Variants in MTA3 observed in about 807,000 individuals in gnomAD.
The protein encoded by MTA3 is metastasis associated 1 family member 3.
MTA3 carries 34 observed loss-of-function variants against 83.5 expected under a neutral mutation model. The ratio of observed to expected loss-of-function variants is 0.41; its 90% CI spans 0.31 to 0.54. The LOEUF (loss-of-function observed/expected upper bound fraction) is 0.54, where lower values mean the gene tolerates loss of function less well. MTA3 is among the 20% of genes least tolerant of loss of function. The probability of loss-of-function intolerance (pLI) is 0.33; values close to 1 mark genes in which losing one functional copy is unlikely to be tolerated. For synonymous variants in MTA3, 303 were observed against 252.7 expected, an observed-to-expected ratio of 1.20 and a Z score of -1.89; for missense variants, 761 against 726.4, an observed-to-expected ratio of 1.05 and a Z score of -0.55.
At chr2:42,729,627 C>A (rs919025634) in intron 16 of MTA3, among the ~76,000 whole-genome samples, 1 of 152,102 alleles carries the variant, frequency 6.6e-6, no homozygotes, top group Non-Finnish European at 1.5e-5. Flanking sequence ...TTTCTGGGTT[C>A]TCCATTCTGT....
At chr2:42,550,101 G>T (rs1205214775) in intron 2 of MTA3, among the ~76,000 whole-genome samples, 3 of 152,024 alleles carry the variant, frequency 2.0e-5, no homozygotes, top group Admixed American at 1.3e-4. Flanking sequence ...AAAGGTGAAA[G>T]TTCTCAGCTT....
intron 3 of MTA3, among the ~76,000 whole-genome samples, chr2:42,606,699 A>C (rs1048006925): frequency 2.0e-5 from 3 of 151,604 alleles, no homozygotes; most frequent in Non-Finnish European, 4.4e-5. Context: ...AGAGGCTGCA[A>C]TCTCGGCACT....
chr2:42,618,153 G>C (rs541613744), intron 4 of MTA3, among the ~76,000 whole-genome samples: 1 of 151,854 alleles, frequency 6.6e-6, no homozygotes, highest in Admixed American at 6.6e-5. Context: ...TCACTATGTT[G>C]CCCAGGCTGG....
Position 42,659,652 on chromosome 2 carries a change from CTCT to C in MTA3, c.603-106_603-104del, listed in dbSNP as rs1345954240. 6 of 684,050 alleles carry C rather than the reference CTCT, an allele frequency of 8.8e-6. No individual in the cohort carries two copies. In the African/African-American group the frequency reaches 9.5e-5, roughly 11 times the overall value. 42.4% of individuals were successfully genotyped at this position (684,050 alleles called of 1,614,324 possible). ...TTCTCATTCAGAAACTTGTTTTTGCCTCTTCTTTTACAGTTTTTTATTTACTAT... is the reference window on the plus strand; with the variant it reads ...TTCTCATTCAGAAACTTGTTTTTGCCTCTTTTACAGTTTTTTATTTACTAT... On this transcript the variant is annotated intron_variant, in intron 7 of 16. Coordinates refer to ENST00000405094, the MANE Select transcript of MTA3 (RefSeq NM_001330442.2).
At chr2:42,596,556 T>C (rs1019631126) in intron 3 of MTA3, among the ~76,000 whole-genome samples, 2 of 152,238 alleles carry the variant, frequency 1.3e-5, no homozygotes, top group Non-Finnish European at 2.9e-5. Flanking sequence ...TTATGTTTTA[T>C]GATATACATT....
intron 2 of MTA3, among the ~76,000 whole-genome samples, chr2:42,544,390 G>A (rs530811137): frequency 6.6e-6 from 1 of 151,210 alleles, no homozygotes; most frequent in East Asian, 1.9e-4. Context: ...AGGTTGTGGT[G>A]AGCCAAGATT....
At chr2:42,607,924 C>T (rs1438443754) in intron 3 of MTA3, among the ~76,000 whole-genome samples, 1 of 152,142 alleles carries the variant, frequency 6.6e-6, no homozygotes, top group Non-Finnish European at 1.5e-5. Flanking sequence ...GCACTCTAGC[C>T]TGGGTGACAG....
At chr2:42,752,194 T>C (rs1669924635) in intron 16 of MTA3, 1 of 471,326 alleles carries the variant, frequency 2.1e-6, no homozygotes, top group Non-Finnish European at 4.4e-6. Context: ...TGAGCTCATA[T>C]CAAATACCAA....
chr2:42,721,271 T>C (rs1458309539), intron 15 of MTA3, among the ~76,000 whole-genome samples: 2 of 151,450 alleles, frequency 1.3e-5, no homozygotes, highest in Admixed American at 6.6e-5. Context: ...TGTAAAATAA[T>C]TACAGGTAAT....
intron 8 of MTA3, among the ~76,000 whole-genome samples, chr2:42,679,428 T>C (rs1691671092): frequency 6.6e-6 from 1 of 152,146 alleles, no homozygotes; most frequent in African/African-American, 2.4e-5. Context: ...GAAAGGCCAA[T>C]GTGCAACTAG....
chr2:42,682,891 T>G (rs1216542787), intron 9 of MTA3, among the ~76,000 whole-genome samples: 1 of 152,046 alleles, frequency 6.6e-6, no homozygotes, highest in East Asian at 1.9e-4. Context: ...GCCAATGTGG[T>G]GAAACCCCAT....
At chr2:42,718,965 T>C (rs985926539) in intron 14 of MTA3, 23 bp from the exon 15 acceptor site, 15 of 1,523,820 alleles carry the variant, frequency 9.8e-6, no homozygotes, top group Non-Finnish European at 1.3e-5. Flanking sequence ...ATTGGTTATC[T>C]CCATGTTTCT....
chr2:42,509,888 G>C (rs1199234794), intron 2 of MTA3, among the ~76,000 whole-genome samples: 1 of 152,164 alleles, frequency 6.6e-6, no homozygotes, highest in Non-Finnish European at 1.5e-5. Flanking sequence ...ATTATATAGT[G>C]AGGCTGGAAT....
At chr2:42,677,685 C>G (rs1045321508) in intron 8 of MTA3, among the ~76,000 whole-genome samples, 3 of 152,238 alleles carry the variant, frequency 2.0e-5, no homozygotes, top group East Asian at 3.9e-4. Flanking sequence ...CAACCTCTTG[C>G]TTTTTGCCTG....
At chr2:42,530,700 G>A (rs540799203) in intron 2 of MTA3, among the ~76,000 whole-genome samples, 6 of 151,870 alleles carry the variant, frequency 4.0e-5, no homozygotes, top group African/African-American at 1.2e-4. Flanking sequence ...CAGGAGAATC[G>A]CTTGAACCTG....
At chr2:42,541,278 G>A (rs910155240) in intron 2 of MTA3, among the ~76,000 whole-genome samples, 12 of 152,116 alleles carry the variant, frequency 7.9e-5, no homozygotes, top group African/African-American at 2.4e-4. Context: ...TGATCCACCC[G>A]CCTCGGCCTC....
intron 6 of MTA3, among the ~76,000 whole-genome samples, chr2:42,651,922 C>T (rs561834021): frequency 2.7e-4 from 41 of 151,812 alleles, no homozygotes; most frequent in African/African-American, 8.9e-4. Context: ...GGTGAAACCC[C>T]GTCTCAACTA....
intron 8 of MTA3, among the ~76,000 whole-genome samples, chr2:42,673,796 C>G (rs1691068849): frequency 6.6e-6 from 1 of 152,122 alleles, no homozygotes; most frequent in Admixed American, 6.6e-5. Context: ...GCAGGTTGCT[C>G]CAGGAAGAGT....
At chr2:42,567,830 G>A (rs1329411720), upstream of MTA3, among the ~76,000 whole-genome samples, 4 of 152,070 alleles carry the variant, frequency 2.6e-5, no homozygotes, top group East Asian at 7.7e-4. Flanking sequence ...GAACTGTAGG[G>A]CCCTGTTCCC....
Sources: gnomAD v4.1 joint callset for allele counts (sites outside exome capture counted in the v4.1 genomes callset) on GRCh38, gnomAD v4.1.1 for gene constraint, MANE v1.5 for transcripts, NCBI Gene and HGNC (gene_info 2026-07-23, HGNC 2026-07-21) for gene names.